Variants in RABEP2 observed in about 807,000 individuals in gnomAD.
The protein encoded by RABEP2 is rab GTPase-binding effector protein 2.
Under a neutral mutation model 74.1 loss-of-function variants are expected in RABEP2, and 57 were observed. The observed-to-expected ratio is 0.77, with a 90% CI of 0.62 to 0.96. The LOEUF (loss-of-function observed/expected upper bound fraction) is 0.96, where lower values mean the gene tolerates loss of function less well. RABEP2 is among the 40% of genes least tolerant of loss of function. The pLI, the probability that RABEP2 is intolerant of heterozygous loss-of-function variation, is 0.00. For synonymous variants in RABEP2, 351 were observed against 344.0 expected, an observed-to-expected ratio of 1.02 and a Z score of -0.23; for missense variants, 692 against 756.3, an observed-to-expected ratio of 0.91 and a Z score of 1.00.
At chr16:28,905,616 A>G (rs1596692928) in intron 11 of RABEP2, 88 bp downstream of exon 11, 1 of 1,112,990 alleles carries the variant, frequency 9.0e-7, no homozygotes, top group African/African-American at 1.9e-5. Context: ...ACCTGGCCTG[A>G]GGGAGACACA....
At chr16:28,919,164 T>G (rs1964434674) in intron 3 of RABEP2, among the ~76,000 whole-genome samples, 1 of 152,260 alleles carries the variant, frequency 6.6e-6, no homozygotes, top group Admixed American at 6.5e-5. Context: ...ATCAGAGGCA[T>G]CCTTTTTTTA....
Position 28,908,601 on chromosome 16 carries a change from C to T in RABEP2, c.1245+8G>A, listed in dbSNP as rs369445844. 39 of 1,603,600 alleles carry T rather than the reference C, an allele frequency of 2.4e-5. No homozygotes were observed. The highest frequency in any genetic ancestry group is 3.4e-5 in the Admixed American group (2 of 59,136). On this transcript the variant is annotated splice_region_variant and intron_variant, in intron 8 of 12. Transcript: ENST00000358201. The stretch of plus-strand genomic sequence containing the variant: ...GCTCCAGGCTCTCAGTGCCCACACT[C>T]AGCTTACTGGCACAGAGCTGGGCAG...
intron 2 of RABEP2, 154 bp downstream of exon 2, chr16:28,924,249 A>AG: frequency 2.9e-6 from 2 of 692,238 alleles, no homozygotes; most frequent in Middle Eastern, 4.1e-4. Flanking sequence ...TGCAAATTTT[A>AG]AAAGGGCGGC....
rs193233065 is a variant in RABEP2, at chr16:28,909,358, T to C, written c.1090-594A>G. 4.5e-3 allele frequency among the ~76,000 whole-genome samples: 686 copies of C among 152,254 alleles called. 4 individuals are homozygous for C. Among genetic ancestry groups the C allele is most frequent in the African/African-American group, 0.016 (651 of 41,552 alleles). On this transcript the variant is annotated intron_variant, in intron 7 of 12. Coordinates refer to ENST00000358201, the MANE Select transcript of RABEP2 (RefSeq NM_024816.3). ...TCCCAAAGTGCTGGGATTACAGGTG[T>C]GAGCCACCGTGCCCGGCCCATATAT...
intron 2 of RABEP2, among the ~76,000 whole-genome samples, chr16:28,921,391 G>A (rs1964466234): frequency 6.6e-6 from 1 of 152,016 alleles, no homozygotes; most frequent in Admixed American, 6.6e-5. Context: ...TGGCCAGGCA[G>A]GAGAGGACAG....
At position 28,904,629 on chromosome 16, in the gene RABEP2, G is replaced by GGAC; in HGVS notation, c.*311_*313dup. 2.1e-6 allele frequency: 2 copies of GGAC among 955,650 alleles called. No individual in the cohort carries two copies. Among genetic ancestry groups the GGAC allele is most frequent in the Non-Finnish European group, 2.9e-6 (2 of 688,554 alleles). The allele number at this position is 955,650 out of a possible 1,614,324, so 59.2% of individuals were successfully genotyped here. On this transcript the variant is annotated 3_prime_UTR_variant, in exon 13 of 13. Coordinates refer to ENST00000358201, the MANE Select transcript of RABEP2 (RefSeq NM_024816.3). ...ATGGCTCCGCTGTGCCCTGGGCAGG[G>GGAC]GACGGGCTGGGGGCAGGGGAGGGCT... is the stretch of plus-strand genomic sequence containing the variant.
At chr16:28,905,969 C>G in intron 9 of RABEP2, 50 bp downstream of exon 9, 1 of 1,611,498 alleles carries the variant, frequency 6.2e-7, no homozygotes, top group Non-Finnish European at 8.5e-7. Context: ...CCCTGCAAGG[C>G]CGACAGGGGC....
At chr16:28,906,733 C>G (rs1329567349) in intron 8 of RABEP2, among the ~76,000 whole-genome samples, 1 of 152,018 alleles carries the variant, frequency 6.6e-6, no homozygotes, top group African/African-American at 2.4e-5. Flanking sequence ...CCACTGCACT[C>G]TAGCCTGGGC....
At chr16:28,920,286 C>T (rs368790942) in intron 2 of RABEP2, among the ~76,000 whole-genome samples, 3 of 151,762 alleles carry the variant, frequency 2.0e-5, no homozygotes, top group Admixed American at 6.6e-5. Context: ...TTCTCAGGCA[C>T]ACAGAAGATG....
At chr16:28,908,334 C>T (rs1964264276) in intron 8 of RABEP2, among the ~76,000 whole-genome samples, 1 of 152,204 alleles carries the variant, frequency 6.6e-6, no homozygotes, top group Admixed American at 6.5e-5. Flanking sequence ...TAAATTCAAT[C>T]TTGTGGCTCG....
Position 28,904,810 on chromosome 16 carries a change from G to T in RABEP2, c.*133C>A. 1.4e-6 allele frequency: 1 copy of T among 727,788 alleles called. No homozygotes were observed. The highest frequency in any genetic ancestry group is 2.2e-6 in the Non-Finnish European group (1 of 450,604). 45.1% of individuals were successfully genotyped at this position (727,788 alleles called of 1,614,324 possible). On this transcript the variant is annotated 3_prime_UTR_variant, in exon 13 of 13. Coordinates refer to ENST00000358201, the MANE Select transcript of RABEP2 (RefSeq NM_024816.3). ...GGCGCTGGAGGGCGGGGCGGTGGTGGCCCCCGTCAGTCCCCTCAACCCCAG... is the reference window on the plus strand; with the variant it reads ...GGCGCTGGAGGGCGGGGCGGTGGTGTCCCCCGTCAGTCCCCTCAACCCCAG...
At chr16:28,913,926 G>T (rs1217734553) in intron 5 of RABEP2, among the ~76,000 whole-genome samples, 1 of 149,874 alleles carries the variant, frequency 6.7e-6, no homozygotes, top group African/African-American at 2.5e-5. Context: ...GACTACAAGT[G>T]TATACTTGGC....
At chr16:28,905,642 G>T in intron 11 of RABEP2, 62 bp downstream of exon 11, 2 of 1,577,170 alleles carry the variant, frequency 1.3e-6, no homozygotes, top group Non-Finnish European at 8.6e-7. Context: ...CGGGAGGGGT[G>T]GGGGAGGGTC....
intron 7 of RABEP2, among the ~76,000 whole-genome samples, chr16:28,909,067 T>G: frequency 6.6e-6 from 1 of 151,148 alleles, no homozygotes; most frequent in Middle Eastern, 3.4e-3. Context: ...ATATATAAAT[T>G]TAAATTTTAA....
chr16:28,920,363 GTTATTA>G lies in RABEP2; in HGVS notation c.275-426_275-421del, dbSNP rs147158210. On this transcript the variant is annotated intron_variant, in intron 2 of 12. Coordinates refer to ENST00000358201, the MANE Select transcript of RABEP2 (RefSeq NM_024816.3). ...TTAAGAACGGTAAGAATTTTTTTTG[GTTATTA>G]TTATTATTATTATTATTATTATTAT... is the stretch of plus-strand genomic sequence containing the variant. Among the ~76,000 whole-genome samples the G allele has an allele frequency of 8.4e-3, 1,185 of 141,578 alleles. 17 individuals carry two copies. Among genetic ancestry groups the G allele is most frequent in the East Asian group, 0.067 (322 of 4,808 alleles). 92.9% of individuals were successfully genotyped at this position (141,578 alleles called of 152,430 possible).
rs772546089 is a variant in RABEP2 at position 28,919,864 on chromosome 16, C to T, written c.354G>A (p.Lys118=). The T allele has an allele frequency of 8.1e-6, 13 of 1,612,114 alleles. No individual in the cohort carries two copies. The highest frequency in any genetic ancestry group is 1.1e-5 in the Non-Finnish European group (13 of 1,179,144). Residue 118 remains lysine, a synonymous_variant, in exon 3 of 13, where the codon AAG becomes AAA. Coordinates refer to ENST00000358201, the MANE Select transcript of RABEP2 (RefSeq NM_024816.3). ...RQQQQQDCEE[K]ERELGRLKQL... ...GCTTCAGGCGGCCCAGCTCCCGCTCCTTCTCCTCACAGTCCTGCTGCTGCT... is the reference window on the plus strand; with the variant it reads ...GCTTCAGGCGGCCCAGCTCCCGCTCTTTCTCCTCACAGTCCTGCTGCTGCT...
intron 9 of RABEP2, 21 bp downstream of exon 9, chr16:28,905,998 G>T: frequency 2.5e-6 from 4 of 1,609,260 alleles, no homozygotes; most frequent in Non-Finnish European, 3.4e-6. Flanking sequence ...CGGGGCTGGG[G>T]GCTTGTGCCC....
chr16:28,906,152 G>A lies in RABEP2; in HGVS notation c.1290C>T (p.Ala430=). The A allele has an allele frequency of 6.3e-7, 1 of 1,588,286 alleles. No individual in the cohort carries two copies. Among genetic ancestry groups the A allele is most frequent in the Non-Finnish European group, 8.5e-7 (1 of 1,171,836 alleles). ...LLCCTRQEAR[A]RLQAQEHGAE... ...CCCCGTGCTCCTGGGCCTGCAGCCG[G>A]GCCCTCGCCTCTTGCCGCGTGCAGC... is the stretch of plus-strand genomic sequence containing the variant. The change falls in exon 9 of 13, where the codon GCC becomes GCT. Residue 430 remains alanine (A), a synonymous_variant. Coordinates refer to ENST00000358201, the MANE Select transcript of RABEP2 (RefSeq NM_024816.3).
intron 8 of RABEP2, 48 bp downstream of exon 8, chr16:28,908,560 AG>A: frequency 6.5e-7 from 1 of 1,542,142 alleles, no homozygotes; most frequent in Non-Finnish European, 8.7e-7. Context: ...CCTGGGAAGA[AG>A]GGGCCCTCAC....
Sources: gnomAD v4.1 joint callset for allele counts (sites outside exome capture counted in the v4.1 genomes callset) on GRCh38, gnomAD v4.1.1 for gene constraint, MANE v1.5 for transcripts, NCBI Gene and HGNC (gene_info 2026-07-23, HGNC 2026-07-21) for gene names.